The following DTD1 variants were observed in gnomAD, a reference collection of about 807,000 sequenced individuals.
DTD1 encodes D-tyrosyl-tRNA deacylase 1 homolog.
A neutral mutation model predicts 25.6 loss-of-function variants in DTD1; 13 were observed. The observed-to-expected ratio is 0.51, with a 90% CI of 0.33 to 0.81. DTD1 has a LOEUF of 0.81. DTD1 is among the 30% of genes least tolerant of loss of function. The pLI, the probability that DTD1 is intolerant of heterozygous loss-of-function variation, is 0.02. For missense variants in DTD1, 193 were observed against 266.4 expected (o/e 0.72, Z 1.92); for synonymous variants, 110 against 103.6 (o/e 1.06, Z -0.37).
intron 3 of DTD1, among the ~76,000 whole-genome samples, chr20:18,610,203 G>T (rs916298766): frequency 6.6e-6 from 1 of 152,168 alleles, no homozygotes; most frequent in African/African-American, 2.4e-5. Flanking sequence ...TTCAGTCTGC[G>T]TTTTTAAAGA....
intron 4 of DTD1, among the ~76,000 whole-genome samples, chr20:18,640,048 A>G (rs544374294): frequency 5.0e-5 from 6 of 120,378 alleles, no homozygotes; most frequent in Non-Finnish European, 1.1e-4. Context: ...TTATGCTCTG[A>G]GGATTTTTTT....
Position 18,615,425 on chromosome 20 carries a change from C to T in DTD1, c.371-12702C>T, listed in dbSNP as rs529329823. Among the ~76,000 whole-genome samples the T allele has an allele frequency of 2.6e-5, 4 of 152,276 alleles. No individual in the cohort carries two copies. The South Asian group carries it at 8.3e-4, about 32-fold the overall frequency. On this transcript the variant is annotated intron_variant, in intron 3 of 5. Coordinates refer to ENST00000377452, the MANE Select transcript of DTD1 (RefSeq NM_080820.6). Reference sequence around the variant, plus strand: ...ATTGGGTCCCCAGACTGAGTAGGCACAGGAAACTGGGTCACTTGTATCCTC... The same window carrying T: ...ATTGGGTCCCCAGACTGAGTAGGCATAGGAAACTGGGTCACTTGTATCCTC...
intron 4 of DTD1, among the ~76,000 whole-genome samples, chr20:18,653,048 C>T (rs891474209): frequency 9.2e-5 from 14 of 152,246 alleles, no homozygotes; most frequent in Admixed American, 3.3e-4. Flanking sequence ...CACCCAGCTG[C>T]AGCTTGGGGC....
chr20:18,596,486 C>T (rs2060611998), intron 3 of DTD1, among the ~76,000 whole-genome samples: 2 of 152,058 alleles, frequency 1.3e-5, no homozygotes, highest in South Asian at 2.1e-4. Flanking sequence ...TTTGGGAACC[C>T]AGAGGTGTGG....
chr20:18,684,351 A>G lies in DTD1; in HGVS notation c.477+56118A>G, dbSNP rs115018102. ...ACCCACACTGGATTGCAGTGGGGTG[A>G]TCTCAGTTCACTGCAACCTCAGCCT... On this transcript the variant is annotated intron_variant, in intron 4 of 5. Coordinates refer to ENST00000377452, the MANE Select transcript of DTD1 (RefSeq NM_080820.6). Among the ~76,000 whole-genome samples the G allele has an allele frequency of 6.6e-3, 1,005 of 151,842 alleles. 10 individuals are homozygous for G. Among genetic ancestry groups the G allele is most frequent in the African/African-American group, 0.023 (968 of 41,374 alleles).
intron 1 of DTD1, among the ~76,000 whole-genome samples, chr20:18,588,427 C>A (rs1266127257): frequency 6.6e-6 from 1 of 152,232 alleles, no homozygotes; most frequent in Non-Finnish European, 1.5e-5. Context: ...ATGGCGGAGC[C>A]TCGGAGCATC....
At chr20:18,696,348 G>T (rs1352077935) in intron 4 of DTD1, among the ~76,000 whole-genome samples, 1 of 152,144 alleles carries the variant, frequency 6.6e-6, no homozygotes, top group Non-Finnish European at 1.5e-5. Flanking sequence ...GACCAGGAAA[G>T]ATGACATCTG....
intron 4 of DTD1, among the ~76,000 whole-genome samples, chr20:18,733,836 G>A (rs2061246975): frequency 6.6e-6 from 1 of 152,146 alleles, no homozygotes; most frequent in Non-Finnish European, 1.5e-5. Flanking sequence ...TACCATGTGT[G>A]CACTTTGCTT....
intron 4 of DTD1, among the ~76,000 whole-genome samples, chr20:18,709,800 C>T (rs1425471201): frequency 6.6e-6 from 1 of 152,132 alleles, no homozygotes; most frequent in Non-Finnish European, 1.5e-5. Flanking sequence ...CAAGTCAGGA[C>T]ATTCCAACTT....
chr20:18,710,276 T>C (rs2061153449), intron 4 of DTD1, among the ~76,000 whole-genome samples: 1 of 152,242 alleles, frequency 6.6e-6, no homozygotes, highest in African/African-American at 2.4e-5. Flanking sequence ...AATTCAGTTT[T>C]ATGAAATAAA....
At position 18,709,442 on chromosome 20, in the gene DTD1, C is replaced by G. The variant is rs77762500; in HGVS notation, c.478-34658C>G. 5.5e-3 allele frequency among the ~76,000 whole-genome samples: 836 copies of G among 152,292 alleles called. 4 individuals carry two copies. The highest frequency in any genetic ancestry group is 9.0e-3 in the Non-Finnish European group (615 of 68,024). On this transcript the variant is annotated intron_variant, in intron 4 of 5. Coordinates refer to ENST00000377452, the MANE Select transcript of DTD1 (RefSeq NM_080820.6). ...TCTGTATTACTCTCCATACCTCCTT[C>G]CATTTCTTTCTGGAAGGTGTTGAAA... is the stretch of plus-strand genomic sequence containing the variant.
intron 4 of DTD1, among the ~76,000 whole-genome samples, chr20:18,681,700 C>T (rs1410728013): frequency 6.6e-6 from 1 of 152,156 alleles, no homozygotes; most frequent in Non-Finnish European, 1.5e-5. Context: ...AACAAAAACA[C>T]ACTTCCTCAG....
At chr20:18,641,519 GTT>G (rs2060828137) in intron 4 of DTD1, among the ~76,000 whole-genome samples, 5 of 151,410 alleles carry the variant, frequency 3.3e-5, no homozygotes, top group African/African-American at 7.4e-5. Flanking sequence ...TTGTATGTGT[GTT>G]TGTGTGTGTG....
At chr20:18,661,200 C>T (rs2060908445) in intron 4 of DTD1, among the ~76,000 whole-genome samples, 1 of 152,098 alleles carries the variant, frequency 6.6e-6, no homozygotes, top group Non-Finnish European at 1.5e-5. Flanking sequence ...CTTTATTCTC[C>T]TTTGTTAGAC....
chr20:18,675,015 C>T (rs919619695), intron 4 of DTD1: 3 of 152,210 alleles, frequency 2.0e-5, no homozygotes, highest in African/African-American at 7.2e-5. Context: ...ACCATTGAGC[C>T]CAGGTGTTTC....
rs200978089 is a variant in DTD1, at chr20:18,713,651, G to GT, written c.478-30442dup. Among the ~76,000 whole-genome samples the GT allele has an allele frequency of 6.4e-4, 98 of 152,274 alleles. No individual in the cohort carries two copies. In the East Asian group the frequency reaches 0.012, roughly 18 times the overall value. ...TTCCTCCTTTGTCAAGCCTTAGGCT[G>GT]TTTTTTTCTGCATTGGTCTTCCCTG... On this transcript the variant is annotated intron_variant, in intron 4 of 5. Coordinates refer to ENST00000377452, the MANE Select transcript of DTD1 (RefSeq NM_080820.6).
chr20:18,632,402 G>A, intron 4 of DTD1: 4 of 985,476 alleles, frequency 4.1e-6, no homozygotes, highest in Non-Finnish European at 4.8e-6. Context: ...GTGGCGGTGG[G>A]TAGGCGCAGA....
intron 3 of DTD1, among the ~76,000 whole-genome samples, chr20:18,600,073 G>T (rs924285936): frequency 5.2e-4 from 79 of 151,906 alleles, no homozygotes; most frequent in Non-Finnish European, 9.1e-4. Context: ...TCATTCTCTT[G>T]ACAGTGCCTT....
At chr20:18,758,299 C>T (rs1297895943) in intron 5 of DTD1, among the ~76,000 whole-genome samples, 1 of 152,018 alleles carries the variant, frequency 6.6e-6, no homozygotes, top group Non-Finnish European at 1.5e-5. Flanking sequence ...TTAGTTATTT[C>T]TTGCCTTCTG....
Sources: allele counts gnomAD v4.1 joint callset (sites outside exome capture counted in the v4.1 genomes callset), GRCh38; gene constraint gnomAD v4.1.1; transcripts MANE v1.5; gene names NCBI Gene and HGNC (gene_info 2026-07-23, HGNC 2026-07-21).